The following DMD variants were observed in gnomAD, a reference collection of about 807,000 sequenced individuals.
DMD encodes dystrophin, also known as mutant dystrophin.
A neutral mutation model predicts 330.1 loss-of-function variants in DMD; 63 were observed. That is an observed-to-expected ratio of 0.19 (90% confidence interval 0.16 to 0.24). The LOEUF (loss-of-function observed/expected upper bound fraction) is 0.24. Among genes scored for constraint, DMD ranks in the 10% least tolerant of loss-of-function variants. The pLI is 1.00. For synonymous variants in DMD, 1,223 were observed against 959.8 expected, an observed-to-expected ratio of 1.27 and a Z score of -5.07; for missense variants, 3,344 against 2,684.1, an observed-to-expected ratio of 1.25 and a Z score of -5.43.
At position 31,223,035 on chromosome X, in the gene DMD, GCCAATA is replaced by G. The variant is rs1395653580; in HGVS notation, c.9361+6_9361+11del. On this transcript the variant is annotated splice_donor_region_variant and intron_variant, in intron 64 of 78. Transcript: ENST00000357033. ...ATAGTATCAAGATCTTCAAATACTG[GCCAATA>G]CTTACAGCAAAGGGCCTTCTGCAGT... is the stretch of plus-strand genomic sequence containing the variant. 9.2e-6 allele frequency: 11 copies of G among 1,196,541 alleles called. No individual in the cohort carries two copies. The highest frequency in any genetic ancestry group is 1.2e-5 in the Non-Finnish European group (11 of 883,026).
chrX:31,431,202 C>A (rs753425987), intron 60 of DMD, among the ~76,000 whole-genome samples: 1 of 110,334 alleles, frequency 9.1e-6, no homozygotes, highest in African/African-American at 3.3e-5. Context: ...GTAGTTCAGT[C>A]GATATTTATG....
At chrX:32,359,847 T>G (rs2147195002) in intron 37 of DMD, among the ~76,000 whole-genome samples, 1 of 110,984 alleles carries the variant, frequency 9.0e-6, no homozygotes, top group Admixed American at 9.6e-5. Context: ...TATTTTCCAA[T>G]TTATTAATTT....
chrX:33,063,576 G>A (rs2094607324), intron 1 of DMD, among the ~76,000 whole-genome samples: 1 of 111,473 alleles, frequency 9.0e-6, no homozygotes, highest in East Asian at 2.8e-4. Context: ...TTTGCTCCCC[G>A]GCTGATGTAC....
chrX:32,135,217 T>C (rs2096718847), intron 44 of DMD, among the ~76,000 whole-genome samples: 1 of 112,411 alleles, frequency 8.9e-6, no homozygotes, highest in Non-Finnish European at 1.9e-5. Flanking sequence ...AATAGTCCAC[T>C]AGCTCTATCG....
intron 1 of DMD, among the ~76,000 whole-genome samples, chrX:33,114,693 A>C (rs1239209241): frequency 8.9e-6 from 1 of 111,804 alleles, no homozygotes; most frequent in African/African-American, 3.3e-5. Flanking sequence ...ATAATGTAGA[A>C]GTTATTATTA....
intron 60 of DMD, among the ~76,000 whole-genome samples, chrX:31,408,953 A>C (rs1423680203): frequency 3.6e-5 from 4 of 110,006 alleles, no homozygotes; most frequent in African/African-American, 1.3e-4. Context: ...ACCCCAAAAC[A>C]TTCCCCGGTG....
intron 55 of DMD, among the ~76,000 whole-genome samples, chrX:31,559,602 C>G (rs1428223329): frequency 1.7e-5 from 1 of 60,305 alleles, no homozygotes; most frequent in Non-Finnish European, 2.7e-5. Flanking sequence ...GATCGCGCCA[C>G]TGCACTCCAG....
At chrX:31,428,132 T>G (rs1345109453) in intron 60 of DMD, among the ~76,000 whole-genome samples, 3 of 111,781 alleles carry the variant, frequency 2.7e-5, no homozygotes, top group South Asian at 3.8e-4. Context: ...TTTGTTCCCT[T>G]CAAATCTCAT....
intron 1 of DMD, among the ~76,000 whole-genome samples, chrX:33,282,501 C>T (rs1320758425): frequency 1.8e-5 from 2 of 111,601 alleles, no homozygotes; most frequent in Non-Finnish European, 3.8e-5. Flanking sequence ...CAGTTGCACC[C>T]AGCCACCTAA....
chrX:31,546,392 G>T (rs1238109518), intron 55 of DMD, among the ~76,000 whole-genome samples: 1 of 111,484 alleles, frequency 9.0e-6, no homozygotes, highest in African/African-American at 3.3e-5. Context: ...CTAGAACGTG[G>T]CTTTGCACCC....
At chrX:32,361,493 T>C (rs1208619464) in intron 37 of DMD, among the ~76,000 whole-genome samples, 1 of 112,004 alleles carries the variant, frequency 8.9e-6, no homozygotes, top group African/African-American at 3.2e-5. Context: ...TAGTTAACTA[T>C]TAAAAATAAC....
At chrX:32,126,605 C>T (rs1192331145) in intron 44 of DMD, among the ~76,000 whole-genome samples, 3 of 112,009 alleles carry the variant, frequency 2.7e-5, no homozygotes, top group Non-Finnish European at 3.8e-5. Context: ...TTGATGTGTT[C>T]GCACAATTAA....
chrX:31,941,674 T>C (rs1461383187), intron 45 of DMD, among the ~76,000 whole-genome samples: 1 of 111,555 alleles, frequency 9.0e-6, no homozygotes, highest in African/African-American at 3.3e-5. Flanking sequence ...TAGTACCCGA[T>C]AGGTAGTTTT....
At chrX:31,484,269 T>C (rs2068617486) in intron 57 of DMD, among the ~76,000 whole-genome samples, 1 of 112,028 alleles carries the variant, frequency 8.9e-6, no homozygotes, top group South Asian at 3.7e-4. Flanking sequence ...TAAATTTTGG[T>C]TAATATTTTA....
intron 42 of DMD, among the ~76,000 whole-genome samples, chrX:32,291,452 C>T (rs967793143): frequency 8.9e-6 from 1 of 111,801 alleles, no homozygotes; most frequent in African/African-American, 3.3e-5. Context: ...ATACCATTAA[C>T]ACACCTACAG....
intron 44 of DMD, among the ~76,000 whole-genome samples, chrX:32,162,430 T>TG (rs773383141): frequency 5.3e-4 from 59 of 110,740 alleles, no homozygotes; most frequent in African/African-American, 1.8e-3. Flanking sequence ...TTTATCCTTA[T>TG]GTTCTTGCTG....
chrX:31,284,825 AACACACACACACACACAC>A (rs61401043), intron 62 of DMD, among the ~76,000 whole-genome samples: 2 of 91,497 alleles, frequency 2.2e-5, no homozygotes, highest in African/African-American at 4.1e-5. Flanking sequence ...TAATGGCTTA[AACACACACACACACACAC>A]ACACACACAC....
At chrX:32,957,331 T>C (rs1322165068) in intron 2 of DMD, among the ~76,000 whole-genome samples, 4 of 112,044 alleles carry the variant, frequency 3.6e-5, no homozygotes, top group African/African-American at 9.7e-5. Context: ...ATTAAGCAAC[T>C]ATTTCAGTGC....
intron 55 of DMD, among the ~76,000 whole-genome samples, chrX:31,560,934 A>G (rs2075161064): frequency 8.9e-6 from 1 of 111,750 alleles, no homozygotes; most frequent in African/African-American, 3.3e-5. Context: ...GCCTATTAGT[A>G]GTTACGTTTT....
Sources: allele counts gnomAD v4.1 joint callset (sites outside exome capture counted in the v4.1 genomes callset), GRCh38; gene constraint gnomAD v4.1.1; transcripts MANE v1.5; gene names NCBI Gene and HGNC (gene_info 2026-07-23, HGNC 2026-07-21).